Variants in PDS5B observed in about 807,000 individuals in gnomAD.
PDS5B encodes PDS5 cohesin associated factor B, also known as sister chromatid cohesion protein PDS5 homolog B.
A neutral mutation model predicts 184.1 loss-of-function variants in PDS5B; 51 were observed. That is an observed-to-expected ratio of 0.28 (90% CI 0.22 to 0.35). PDS5B has a LOEUF of 0.35. Among genes scored for constraint, PDS5B ranks in the 10% least tolerant of loss-of-function variants. The pLI, the probability that PDS5B is intolerant of heterozygous loss-of-function variation, is 1.00. For synonymous variants in PDS5B, 566 were observed against 569.2 expected, an observed-to-expected ratio of 0.99 and a Z score of 0.08; for missense variants, 1,180 against 1,723.3, an observed-to-expected ratio of 0.68 and a Z score of 5.58.
chr13:32,623,861 G>T (rs1470686492), intron 1 of PDS5B, among the ~76,000 whole-genome samples: 2 of 151,814 alleles, frequency 1.3e-5, no homozygotes, highest in African/African-American at 4.8e-5. Context: ...CGCCAGGCTG[G>T]AGTGCAGTGG....
At chr13:32,591,929 A>C (rs2057782065) in intron 1 of PDS5B, among the ~76,000 whole-genome samples, 1 of 152,152 alleles carries the variant, frequency 6.6e-6, no homozygotes, top group African/African-American at 2.4e-5. Flanking sequence ...CTCTGAATGG[A>C]GAGGCTACAG....
chr13:32,745,839 TGG>T, intron 23 of PDS5B, 136 bp from the exon 24 acceptor site: 1 of 669,182 alleles, frequency 1.5e-6, no homozygotes, highest in Non-Finnish European at 2.5e-6. Context: ...ATAGGAATTT[TGG>T]GGGACACAAA....
At chr13:32,760,819 G>A in intron 30 of PDS5B, 99 bp downstream of exon 30, 1 of 1,132,922 alleles carries the variant, frequency 8.8e-7, no homozygotes, top group Non-Finnish European at 1.3e-6. Context: ...TCAGTAAATG[G>A]AAAGTAATGT....
intron 1 of PDS5B, among the ~76,000 whole-genome samples, chr13:32,599,112 C>A (rs2057931635): frequency 6.6e-6 from 1 of 151,634 alleles, no homozygotes; most frequent in Non-Finnish European, 1.5e-5. Flanking sequence ...TCATTTTATT[C>A]TTCTCTGGTC....
intron 19 of PDS5B, among the ~76,000 whole-genome samples, chr13:32,731,891 T>TA (rs1454764156): frequency 6.6e-6 from 1 of 152,134 alleles, no homozygotes; most frequent in African/African-American, 2.4e-5. Context: ...GAATAAAAAG[T>TA]AAAAAACACC....
chr13:32,594,683 G>A (rs1295488166), intron 1 of PDS5B, among the ~76,000 whole-genome samples: 1 of 152,168 alleles, frequency 6.6e-6, no homozygotes, highest in Non-Finnish European at 1.5e-5. Flanking sequence ...GCTTTTTGAA[G>A]TCTTAAACTA....
In PDS5B at chr13:32,758,233, TG is replaced by T. The variant is rs748762738; in HGVS notation, c.3189+15del. The T allele has an allele frequency of 1.1e-5, 17 of 1,507,410 alleles. No homozygotes were observed. Among genetic ancestry groups the T allele is most frequent in the Non-Finnish European group, 1.5e-5 (17 of 1,119,016 alleles). 93.4% of individuals were successfully genotyped at this position (1,507,410 alleles called of 1,614,324 possible). Reference sequence around the variant, plus strand: ...AAAATGAATGAAGTATGTAATTCTTTGTAAATAATTATGGTTCCATATTGAT... The same window carrying T: ...AAAATGAATGAAGTATGTAATTCTTTTAAATAATTATGGTTCCATATTGAT... On this transcript the variant is annotated intron_variant, in intron 27 of 34. Transcript: ENST00000315596.
At chr13:32,664,519 A>G (rs750859156) in intron 6 of PDS5B, among the ~76,000 whole-genome samples, 18 of 152,214 alleles carry the variant, frequency 1.2e-4, no homozygotes, top group Non-Finnish European at 2.4e-4. Context: ...GGGGAGACTT[A>G]GTATCATAAT....
intron 1 of PDS5B, among the ~76,000 whole-genome samples, chr13:32,608,880 G>A (rs1037967830): frequency 1.2e-4 from 19 of 152,182 alleles, no homozygotes; most frequent in Non-Finnish European, 7.3e-5. Context: ...TGAGAAAGTG[G>A]CAATGCTTAT....
chr13:32,643,541 C>T (rs1950150610), intron 1 of PDS5B, among the ~76,000 whole-genome samples: 1 of 152,092 alleles, frequency 6.6e-6, no homozygotes, highest in African/African-American at 2.4e-5. Flanking sequence ...GCGTACCACA[C>T]AACTTTTCTG....
chr13:32,709,530 C>T (rs1259671415), intron 18 of PDS5B, among the ~76,000 whole-genome samples: 2 of 151,954 alleles, frequency 1.3e-5, no homozygotes, highest in African/African-American at 4.8e-5. Context: ...GACTTTTTTA[C>T]TGTCTGGTCA....
chr13:32,764,188 A>G (rs1332719380), intron 30 of PDS5B, among the ~76,000 whole-genome samples: 1 of 152,198 alleles, frequency 6.6e-6, no homozygotes, highest in Non-Finnish European at 1.5e-5. Flanking sequence ...AGACCAAGCT[A>G]AACTGCCAAC....
chr13:32,768,795 AAAAAAAAAAAAG>A (rs1384040002), intron 31 of PDS5B, among the ~76,000 whole-genome samples: 3 of 90,602 alleles, frequency 3.3e-5, no homozygotes, highest in Admixed American at 1.2e-4. Flanking sequence ...TCTGTCTCAA[AAAAAAAAAAAAG>A]AAAAAAAAAA....
intron 11 of PDS5B, among the ~76,000 whole-genome samples, chr13:32,686,717 C>T (rs984909475): frequency 4.6e-5 from 7 of 152,256 alleles, no homozygotes; most frequent in South Asian, 2.1e-4. Flanking sequence ...CCCAGTTGTT[C>T]ATGACTTTGG....
intron 1 of PDS5B, among the ~76,000 whole-genome samples, chr13:32,637,103 G>T (rs1004203295): frequency 6.6e-6 from 1 of 152,188 alleles, no homozygotes; most frequent in East Asian, 1.9e-4. Flanking sequence ...ACCTATTTAA[G>T]AATTCTAAGT....
At chr13:32,696,639 G>A (rs535376659) in intron 14 of PDS5B, among the ~76,000 whole-genome samples, 1 of 152,182 alleles carries the variant, frequency 6.6e-6, no homozygotes, top group African/African-American at 2.4e-5. Flanking sequence ...ACAACAGGGT[G>A]AGGGAAGACA....
intron 6 of PDS5B, among the ~76,000 whole-genome samples, chr13:32,661,398 A>AAAC (rs1405476919): frequency 2.0e-5 from 3 of 149,978 alleles, no homozygotes; most frequent in Non-Finnish European, 4.4e-5. Context: ...AAAAAAAAAA[A>AAAC]AAAAAAAAAA....
chr13:32,593,815 C>G (rs1020479953), intron 1 of PDS5B, among the ~76,000 whole-genome samples: 1 of 151,894 alleles, frequency 6.6e-6, no homozygotes, highest in Non-Finnish European at 1.5e-5. Context: ...AAGGATTAGT[C>G]TTGTTGTCTC....
chr13:32,717,078 C>T (rs1952473786), intron 19 of PDS5B, among the ~76,000 whole-genome samples: 1 of 149,422 alleles, frequency 6.7e-6, no homozygotes, highest in African/African-American at 2.5e-5. Context: ...GGGGGGTCAG[C>T]CCCCCGCCCG....
Sources: gnomAD v4.1 joint callset for allele counts (sites outside exome capture counted in the v4.1 genomes callset) on GRCh38, gnomAD v4.1.1 for gene constraint, MANE v1.5 for transcripts, NCBI Gene and HGNC (gene_info 2026-07-23, HGNC 2026-07-21) for gene names.